SLC9A9: variants seen among roughly 807,000 people sequenced by gnomAD.
SLC9A9 encodes sodium/hydrogen exchanger 9.
Under a neutral mutation model 77.8 loss-of-function variants are expected in SLC9A9, and 62 were observed. The observed-to-expected ratio is 0.80, with a 90% CI of 0.65 to 0.98. SLC9A9 has a LOEUF of 0.98. Among genes scored for constraint, SLC9A9 ranks in the 50% least tolerant of loss-of-function variants. The probability of loss-of-function intolerance (pLI) is 0.00; values close to 1 mark genes in which losing one functional copy is unlikely to be tolerated. For synonymous variants in SLC9A9, 320 were observed against 283.5 expected, an observed-to-expected ratio of 1.13 and a Z score of -1.29; for missense variants, 775 against 774.9, an observed-to-expected ratio of 1.00 and a Z score of 0.00.
At chr3:143,487,630 A>C (rs1475746639) in intron 11 of SLC9A9, among the ~76,000 whole-genome samples, 1 of 151,942 alleles carries the variant, frequency 6.6e-6, no homozygotes, top group African/African-American at 2.4e-5. Flanking sequence ...AAATTAAATA[A>C]CATACTTTTA....
intron 11 of SLC9A9, among the ~76,000 whole-genome samples, chr3:143,479,081 C>T (rs1041264691): frequency 1.3e-5 from 2 of 152,146 alleles, no homozygotes; most frequent in Admixed American, 6.5e-5. Flanking sequence ...TTGTCTGCAC[C>T]ACCTCAATAC....
chr3:143,811,115 C>T (rs192702934), intron 2 of SLC9A9, among the ~76,000 whole-genome samples: 151 of 152,158 alleles, frequency 9.9e-4, no homozygotes, highest in African/African-American at 3.5e-3. Flanking sequence ...CGGTAGCTTC[C>T]TGGGGTTTCA....
At chr3:143,274,997 G>A (rs571910673) in intron 14 of SLC9A9, among the ~76,000 whole-genome samples, 1 of 152,222 alleles carries the variant, frequency 6.6e-6, no homozygotes, top group South Asian at 2.1e-4. Context: ...CTGATCTCAT[G>A]CCTACCTCCA....
intron 9 of SLC9A9, among the ~76,000 whole-genome samples, chr3:143,529,039 C>G (rs560685462): frequency 6.6e-6 from 1 of 152,104 alleles, no homozygotes; most frequent in African/African-American, 2.4e-5. Context: ...AGGGACAGTG[C>G]CGGTGCCATG....
intron 4 of SLC9A9, among the ~76,000 whole-genome samples, chr3:143,729,703 A>G (rs1934752969): frequency 6.6e-6 from 1 of 151,982 alleles, no homozygotes; most frequent in African/African-American, 2.4e-5. Flanking sequence ...CTCTGCCCCA[A>G]CTCACCTTAC....
intron 5 of SLC9A9, among the ~76,000 whole-genome samples, chr3:143,686,834 C>A (rs1933287683): frequency 6.6e-6 from 1 of 152,120 alleles, no homozygotes; most frequent in South Asian, 2.1e-4. Context: ...TCATCTATTT[C>A]CAGCTGTTTG....
chr3:143,412,766 G>A (rs1306538479), intron 12 of SLC9A9, among the ~76,000 whole-genome samples: 1 of 152,170 alleles, frequency 6.6e-6, no homozygotes, highest in African/African-American at 2.4e-5. Context: ...CTGTGCAACC[G>A]TCTCCCTCTT....
chr3:143,477,613 C>T (rs937262286), intron 11 of SLC9A9, among the ~76,000 whole-genome samples: 13 of 152,116 alleles, frequency 8.5e-5, no homozygotes, highest in African/African-American at 1.9e-4. Flanking sequence ...TCCATTGTTA[C>T]ATCAACCCTG....
intron 6 of SLC9A9, among the ~76,000 whole-genome samples, chr3:143,583,540 G>C (rs1271356547): frequency 6.6e-6 from 1 of 152,112 alleles, no homozygotes; most frequent in East Asian, 1.9e-4. Flanking sequence ...TGAGTTCTGG[G>C]TGTAAGTCTC....
intron 6 of SLC9A9, among the ~76,000 whole-genome samples, chr3:143,617,271 T>C (rs1237659656): frequency 1.3e-5 from 2 of 152,376 alleles, no homozygotes; most frequent in East Asian, 1.9e-4. Context: ...TAAAGTTTTA[T>C]TGGAACACCA....
chr3:143,401,539 G>A (rs1229880664), intron 12 of SLC9A9, among the ~76,000 whole-genome samples: 1 of 152,158 alleles, frequency 6.6e-6, no homozygotes, highest in Non-Finnish European at 1.5e-5. Flanking sequence ...TGGAAACTAA[G>A]TTTTCAGGGA....
intron 9 of SLC9A9, among the ~76,000 whole-genome samples, chr3:143,532,182 G>T (rs1344809352): frequency 2.6e-5 from 4 of 152,196 alleles, no homozygotes; most frequent in African/African-American, 4.8e-5. Flanking sequence ...TCAGTGGTAT[G>T]CTGCTAGATG....
intron 6 of SLC9A9, among the ~76,000 whole-genome samples, chr3:143,596,248 G>C (rs924527678): frequency 2.0e-5 from 3 of 152,188 alleles, no homozygotes; most frequent in Admixed American, 2.0e-4. Context: ...AAATTTGTGA[G>C]AGATAAAGCA....
intron 6 of SLC9A9, among the ~76,000 whole-genome samples, chr3:143,603,448 T>TC (rs1220391691): frequency 1.1e-5 from 1 of 92,186 alleles, no homozygotes; most frequent in Non-Finnish European, 2.3e-5. Context: ...TTGAATCCAT[T>TC]TTGTTGCTCT....
chr3:143,327,431 C>G (rs892924012), intron 14 of SLC9A9, among the ~76,000 whole-genome samples: 1 of 152,268 alleles, frequency 6.6e-6, no homozygotes, highest in African/African-American at 2.4e-5. Context: ...CCATATGGAA[C>G]AATATGAGTT....
chr3:143,390,519 A>G (rs11711590), intron 12 of SLC9A9, among the ~76,000 whole-genome samples: 56,578 of 152,126 alleles, frequency 0.37, 10,591 homozygotes, highest in African/African-American at 0.39. Flanking sequence ...AGCTCCCAGC[A>G]TGAGCAACGC....
At chr3:143,737,733 T>C (rs1934977708) in intron 4 of SLC9A9, among the ~76,000 whole-genome samples, 1 of 152,234 alleles carries the variant, frequency 6.6e-6, no homozygotes, top group Non-Finnish European at 1.5e-5. Flanking sequence ...GTTGGTGGTT[T>C]ACTTAATTTT....
At chr3:143,669,396 A>T (rs1044803275) in intron 5 of SLC9A9, among the ~76,000 whole-genome samples, 11 of 152,218 alleles carry the variant, frequency 7.2e-5, no homozygotes, top group Admixed American at 6.5e-5. Flanking sequence ...TGAGCCAGAG[A>T]GGTCTGTCAA....
chr3:143,784,442 C>T (rs2007981010), intron 4 of SLC9A9, among the ~76,000 whole-genome samples: 1 of 152,114 alleles, frequency 6.6e-6, no homozygotes, highest in African/African-American at 2.4e-5. Flanking sequence ...CAACTTGATA[C>T]TCTGGCATGT....
Sources: gnomAD v4.1 joint callset for allele counts (sites outside exome capture counted in the v4.1 genomes callset) on GRCh38, gnomAD v4.1.1 for gene constraint, MANE v1.5 for transcripts, NCBI Gene and HGNC (gene_info 2026-07-23, HGNC 2026-07-21) for gene names.